Variants in DOCK11 observed in about 807,000 individuals in gnomAD.
DOCK11 encodes the protein dedicator of cytokinesis protein 11.
Under a neutral mutation model 169.1 loss-of-function variants are expected in DOCK11, and 70 were observed. That is an observed-to-expected ratio of 0.41 (90% confidence interval 0.34 to 0.51). The LOEUF is 0.51. Among genes scored for constraint, DOCK11 ranks in the 20% least tolerant of loss-of-function variants. The pLI, the probability that DOCK11 is intolerant of heterozygous loss-of-function variation, is 0.10. For missense variants in DOCK11, 1,166 were observed against 1,538.8 expected (o/e 0.76, Z 4.05); for synonymous variants, 529 against 541.3 (o/e 0.98, Z 0.32).
At chrX:118,569,277 A>G (rs2013198299) in intron 10 of DOCK11, 1 of 108,988 alleles carries the variant, frequency 9.2e-6, no homozygotes, top group Non-Finnish European at 1.9e-5. Context: ...TTTTTAGTAG[A>G]AATGGGGTTT....
At chrX:118,643,406 A>T in intron 39 of DOCK11, 51 bp from the exon 40 acceptor site, 1 of 1,130,150 alleles carries the variant, frequency 8.8e-7, no homozygotes, top group Non-Finnish European at 1.2e-6. Context: ...TGGTGAAATC[A>T]GTTCTGTCAT....
In DOCK11 at chrX:118,597,471, C is replaced by T. The variant is rs370057922; in HGVS notation, c.2304C>T (p.Ile768=). The change falls in exon 21 of 53, where the codon ATC becomes ATT. Residue 768 remains isoleucine (I), a synonymous_variant. Transcript: ENST00000276202. ...AWVPLLKDGR[I]ITFEQQLPVS... ...TACCTTTGCTGAAAGATGGTAGAAT[C>T]ATCACATTTGAGCAGCAGCTGCCAG... is the stretch of plus-strand genomic sequence containing the variant. The T allele has an allele frequency of 3.6e-5, 44 of 1,209,648 alleles. No homozygotes were observed. Among genetic ancestry groups the T allele is most frequent in the South Asian group, 5.3e-5 (3 of 56,809 alleles).
At position 118,623,130 on chromosome X, in the gene DOCK11, ATC is replaced by A. The variant is rs757281994; in HGVS notation, c.3472-1404_3472-1403del. On this transcript the variant is annotated intron_variant, in intron 31 of 52. Coordinates refer to ENST00000276202, the MANE Select transcript of DOCK11 (RefSeq NM_144658.4). ...CTACTTGGGAGACTGAGGCAGGAGA[ATC>A]TCTCGAACCCAGGAGGCAGAGATTG... Among the ~76,000 whole-genome samples, 59 of 111,544 alleles carry A rather than the reference ATC, an allele frequency of 5.3e-4. 2 individuals are homozygous for A. The South Asian group carries it at 0.017, about 32-fold the overall frequency.
In DOCK11 at chrX:118,654,205, C is replaced by T. The variant is rs1290553771; in HGVS notation, c.4696-397C>T. On this transcript the variant is annotated intron_variant, in intron 42 of 52. Coordinates refer to ENST00000276202, the MANE Select transcript of DOCK11 (RefSeq NM_144658.4). ...AATAGTGCTTAACTCATAGGGTTGTCGTAAAAATTAAAACATGTAAAGAAC... is the reference window on the plus strand; with the variant it reads ...AATAGTGCTTAACTCATAGGGTTGTTGTAAAAATTAAAACATGTAAAGAAC... Among the ~76,000 whole-genome samples, 5 of 112,075 alleles carry T rather than the reference C, an allele frequency of 4.5e-5. No individual in the cohort carries two copies. The South Asian group carries it at 1.5e-3, about 33-fold the overall frequency.
At chrX:118,671,283 A>G (rs1266285041) in intron 46 of DOCK11, 138 bp downstream of exon 46, 6 of 510,694 alleles carry the variant, frequency 1.2e-5, no homozygotes, top group Non-Finnish European at 1.8e-5. Flanking sequence ...TGACTTTTGC[A>G]TTTTATCATA....
At chrX:118,505,617 C>T (rs969974605) in intron 1 of DOCK11, among the ~76,000 whole-genome samples, 20 of 112,282 alleles carry the variant, frequency 1.8e-4, no homozygotes, top group Admixed American at 1.5e-3. Context: ...CTGGCAGACC[C>T]CTCTGCATGA....
intron 30 of DOCK11, chrX:118,616,087 A>G: frequency 5.2e-6 from 2 of 387,275 alleles, no homozygotes; most frequent in South Asian, 4.0e-5. Context: ...TGCTAAATTT[A>G]TGAAATGCCT....
At chrX:118,650,213 CAG>C (rs1422838206) in intron 41 of DOCK11, among the ~76,000 whole-genome samples, 49 of 111,778 alleles carry the variant, frequency 4.4e-4, no homozygotes, top group African/African-American at 1.6e-3. Context: ...TTTCACTTTG[CAG>C]AGTTACCCTG....
intron 27 of DOCK11, among the ~76,000 whole-genome samples, chrX:118,609,774 C>T (rs772466449): frequency 2.7e-5 from 3 of 111,956 alleles, no homozygotes; most frequent in Middle Eastern, 4.6e-3. Context: ...GATATGATCC[C>T]GGAATGTGAT....
chrX:118,635,375 G>GTTTGCTTTGTTTTGT (rs2015361005), intron 35 of DOCK11, among the ~76,000 whole-genome samples: 1 of 111,828 alleles, frequency 8.9e-6, no homozygotes, highest in Admixed American at 9.5e-5. Flanking sequence ...TGGTGGCACT[G>GTTTGCTTTGTTTTGT]TTTGTTTTGT....
chrX:118,549,389 C>T (rs1424255705), intron 6 of DOCK11, among the ~76,000 whole-genome samples: 1 of 110,046 alleles, frequency 9.1e-6, no homozygotes, highest in African/African-American at 3.3e-5. Flanking sequence ...AGTGATCCAC[C>T]TACCTCAGCC....
intron 45 of DOCK11, among the ~76,000 whole-genome samples, chrX:118,665,317 G>T (rs1256811431): frequency 1.8e-5 from 2 of 112,129 alleles, no homozygotes; most frequent in African/African-American, 6.5e-5. Flanking sequence ...CTTAATTTTT[G>T]ACTGTATAGC....
chrX:118,648,903 A>G (rs1177883336), intron 40 of DOCK11, 42 bp from the exon 41 acceptor site: 2 of 1,103,288 alleles, frequency 1.8e-6, no homozygotes, highest in Non-Finnish European at 2.4e-6. Flanking sequence ...TGATTTTATG[A>G]TTGGATTTTA....
At chrX:118,636,821 TTG>T (rs1403491722) in intron 36 of DOCK11, among the ~76,000 whole-genome samples, 2 of 98,952 alleles carry the variant, frequency 2.0e-5, no homozygotes, top group African/African-American at 4.1e-5. Flanking sequence ...GTCTGTGTAT[TTG>T]TGTGTACACA....
chrX:118,628,147 T>A lies in DOCK11; in HGVS notation c.3665-16T>A. ...CCCCTCTTGCCAACAAGGGCTTGACTTTTTTTTTTCCCCAGCTTATGGGTC... is the reference window on the plus strand; with the variant it reads ...CCCCTCTTGCCAACAAGGGCTTGACATTTTTTTTTCCCCAGCTTATGGGTC... On this transcript the variant is annotated splice_polypyrimidine_tract_variant and intron_variant, in intron 33 of 52. Coordinates refer to ENST00000276202, the MANE Select transcript of DOCK11 (RefSeq NM_144658.4). The A allele has an allele frequency of 1.0e-6, 1 of 980,412 alleles. No individual in the cohort carries two copies. Among genetic ancestry groups the A allele is most frequent in the Non-Finnish European group, 1.4e-6 (1 of 717,857 alleles). The allele number at this position is 980,412 out of a possible 1,213,427, so 80.8% of individuals were successfully genotyped here.
At chrX:118,565,684 T>C (rs185210931) in intron 7 of DOCK11, among the ~76,000 whole-genome samples, 1 of 112,021 alleles carries the variant, frequency 8.9e-6, no homozygotes, top group Admixed American at 9.5e-5. Context: ...TTTGCTTACT[T>C]TTATGGTGGT....
chrX:118,650,366 A>G (rs1467333057), intron 41 of DOCK11, among the ~76,000 whole-genome samples: 1 of 112,099 alleles, frequency 8.9e-6, no homozygotes, highest in Non-Finnish European at 1.9e-5. Context: ...GAACTAAACC[A>G]CAATTGGGAC....
intron 1 of DOCK11, among the ~76,000 whole-genome samples, chrX:118,505,537 T>C (rs2057605795): frequency 8.9e-6 from 1 of 112,107 alleles, no homozygotes; most frequent in Non-Finnish European, 1.9e-5. Flanking sequence ...AATTCCTTGC[T>C]CCAGATGATG....
intron 39 of DOCK11, among the ~76,000 whole-genome samples, chrX:118,641,516 C>A (rs925208258): frequency 9.9e-5 from 11 of 111,519 alleles, no homozygotes; most frequent in African/African-American, 3.6e-4. Flanking sequence ...GACTAACTTG[C>A]CCTTAAGCTC....
Sources: gnomAD v4.1 joint callset for allele counts (sites outside exome capture counted in the v4.1 genomes callset) on GRCh38, gnomAD v4.1.1 for gene constraint, MANE v1.5 for transcripts, NCBI Gene and HGNC (gene_info 2026-07-23, HGNC 2026-07-21) for gene names.